Variants in ZBP1 observed in about 807,000 individuals in gnomAD.
ZBP1 encodes Z-DNA binding protein 1, also known as Z-DNA-binding protein 1.
A neutral mutation model predicts 41.1 loss-of-function variants in ZBP1; 42 were observed. That is an observed-to-expected ratio of 1.02 (90% CI 0.80 to 1.32). ZBP1 has a LOEUF of 1.32. Among genes scored for constraint, ZBP1 ranks in the 40% most tolerant of loss-of-function variants. The probability of loss-of-function intolerance (pLI) is 0.00; values close to 1 mark genes in which losing one functional copy is unlikely to be tolerated. For synonymous variants in ZBP1, 214 were observed against 205.2 expected (o/e 1.04, Z -0.37); for missense variants, 562 against 549.7 (o/e 1.02, Z -0.22).
At chr20:57,615,993 G>C in intron 2 of ZBP1, 1 of 576,210 alleles carries the variant, frequency 1.7e-6, no homozygotes, top group Non-Finnish European at 3.1e-6. Flanking sequence ...ATAATTGTTA[G>C]TGTTCTGCAG....
At chr20:57,619,839 T>G (rs2070953394) in intron 1 of ZBP1, among the ~76,000 whole-genome samples, 1 of 150,960 alleles carries the variant, frequency 6.6e-6, no homozygotes, top group South Asian at 2.1e-4. Flanking sequence ...CCTTTCTATT[T>G]TTTTTTTTTT....
At chr20:57,607,526 A>G (rs1193340754) in intron 7 of ZBP1, among the ~76,000 whole-genome samples, 1 of 152,270 alleles carries the variant, frequency 6.6e-6, no homozygotes, top group African/African-American at 2.4e-5. Flanking sequence ...CTAGTTGGTA[A>G]AGCAGCAGCA....
chr20:57,610,531 A>G lies in ZBP1; in HGVS notation c.875-164T>C. The stretch of plus-strand genomic sequence containing the variant: ...TGCCCGCCACACCTCCACCCGCCAC[A>G]CCTCCGCTCGTGCTGTTGTGCTGTC... On this transcript the variant is annotated intron_variant, in intron 6 of 7. Transcript: ENST00000371173. This position sits in a 1 kb window ranked among gnomAD's most constrained non-coding sequence, Gnocchi z 5.5. The G allele has an allele frequency of 1.5e-6, 1 of 671,010 alleles. No homozygotes were observed. The highest frequency in any genetic ancestry group is 2.6e-6 in the Non-Finnish European group (1 of 391,654). The allele number at this position is 671,010 out of a possible 1,614,324, so 41.6% of individuals were successfully genotyped here. A position where few individuals can be genotyped will look rare whatever the true frequency, so the allele number is the denominator to read the frequency against.
chr20:57,611,867 AG>A lies in ZBP1; in HGVS notation c.733del (p.Leu245Ter), dbSNP rs2070683203. 2.5e-6 allele frequency: 4 copies of A among 1,584,882 alleles called. 1 individual carries two copies. The Admixed American group carries it at 7.2e-5, about 29-fold the overall frequency. Reference protein sequence around the residue: ...APGDSSTWGTLVDPWGPQDIH... With the variant: ...APGDSSTWGTXVDPWGPQDIH... ...GTCCTGGGGCCCCCAGGGATCAACT[AG>A]GGTCCCCCAAGTTGAGGAATCACCT... On this transcript the variant is annotated frameshift_variant, in exon 6 of 8. Coordinates refer to ENST00000371173, the MANE Select transcript of ZBP1 (RefSeq NM_030776.3). LOFTEE classifies it high-confidence loss of function.
At chr20:57,620,116 G>T (rs745907057) in intron 1 of ZBP1, 146 bp downstream of exon 1, 9 of 984,434 alleles carry the variant, frequency 9.1e-6, no homozygotes, top group Non-Finnish European at 1.4e-5. Context: ...GATTACAGGC[G>T]TGAGCCACCA....
intron 4 of ZBP1, 54 bp downstream of exon 4, chr20:57,614,833 C>T: frequency 6.2e-7 from 1 of 1,602,410 alleles, no homozygotes; most frequent in South Asian, 1.1e-5. Context: ...AAAGACCAAG[C>T]ACTAGTGTCA....
In ZBP1 at chr20:57,603,872, G is replaced by T. The variant is rs4811885; in HGVS notation, c.*701C>A. On this transcript the variant is annotated 3_prime_UTR_variant, in exon 8 of 8. Transcript: ENST00000371173. The surrounding 1 kb of genome is among the most constrained non-coding windows in gnomAD (Gnocchi z 4.6). ...TATGGTTGGTTTATTTTTTATTTAT[G>T]TATTTATTTTTTTGAGACGGAGTCT... 0.2 allele frequency: 32,116 copies of T among 157,116 alleles called. 3,462 individuals carry two copies. The highest frequency in any genetic ancestry group is 0.25 in the East Asian group (1,282 of 5,220). 9.7% of individuals were successfully genotyped at this position (157,116 alleles called of 1,614,324 possible).
At chr20:57,619,643 C>T (rs766251722) in intron 1 of ZBP1, among the ~76,000 whole-genome samples, 8 of 152,110 alleles carry the variant, frequency 5.3e-5, no homozygotes, top group South Asian at 2.1e-4. Context: ...GGTGTTCAGA[C>T]GCTAACACCA....
Position 57,610,120 on chromosome 20 carries a change from A to T in ZBP1, c.1093+29T>A. 1 of 1,573,308 alleles carries T rather than the reference A, an allele frequency of 6.4e-7. No individual in the cohort carries two copies. Among genetic ancestry groups the T allele is most frequent in the Non-Finnish European group, 8.7e-7 (1 of 1,144,516 alleles). Reference sequence around the variant, plus strand: ...GAAGGTGGGGAGAGAGAGAGAACACACAGGGGTCCACTCTGCCCCCTAGCT... The same window carrying T: ...GAAGGTGGGGAGAGAGAGAGAACACTCAGGGGTCCACTCTGCCCCCTAGCT... On this transcript the variant is annotated intron_variant, in intron 7 of 7. Transcript: ENST00000371173. This position sits in a 1 kb window ranked among gnomAD's most constrained non-coding sequence, Gnocchi z 5.5.
chr20:57,613,193 T>C lies in ZBP1; in HGVS notation c.640A>G (p.Ile214Val), dbSNP rs1294969554. Residue 214 changes from isoleucine (I) to valine (V), a missense_variant, in exon 5 of 8, where the codon ATT (isoleucine) becomes GTT (valine). Physicochemically the swap from Ile to Val is conservative, Grantham distance 29. Transcript: ENST00000371173. This position sits in a 1 kb window ranked among gnomAD's most constrained non-coding sequence, Gnocchi z 4.5. Reference sequence around the variant, plus strand: ...TCCCTGGAGACTGTCTGTCTTGTAATGATGTTCCCGTGTCCAATCTGGATG... The same window carrying C: ...TCCCTGGAGACTGTCTGTCTTGTAACGATGTTCCCGTGTCCAATCTGGATG... ...EAIQIGHGNI[I>V]TRQTVSREDG... The C allele has an allele frequency of 6.2e-7, 1 of 1,614,230 alleles. No individual in the cohort carries two copies. Among genetic ancestry groups the C allele is most frequent in the South Asian group, 1.1e-5 (1 of 91,080 alleles).
At position 57,613,418 on chromosome 20, in the gene ZBP1, G is replaced by A; in HGVS notation, c.503-88C>T. 1.4e-6 allele frequency: 2 copies of A among 1,439,284 alleles called. No homozygotes were observed. Among genetic ancestry groups the A allele is most frequent in the South Asian group, 1.3e-5 (1 of 79,140 alleles). The allele number at this position is 1,439,284 out of a possible 1,614,324, so 89.2% of individuals were successfully genotyped here. A position where few individuals can be genotyped will look rare whatever the true frequency, so the allele number is the denominator to read the frequency against. Reference sequence around the variant, plus strand: ...CAGTCGGCAGCACCAAATTCTCCTGGGGAGCTTGTTAAAATACCCTGGGCG... The same window carrying A: ...CAGTCGGCAGCACCAAATTCTCCTGAGGAGCTTGTTAAAATACCCTGGGCG... On this transcript the variant is annotated intron_variant, in intron 4 of 7. Transcript: ENST00000371173. This position sits in a 1 kb window ranked among gnomAD's most constrained non-coding sequence, Gnocchi z 4.5.
At chr20:57,607,640 G>A (rs2070530140) in intron 7 of ZBP1, among the ~76,000 whole-genome samples, 1 of 152,182 alleles carries the variant, frequency 6.6e-6, no homozygotes, top group Admixed American at 6.5e-5. Flanking sequence ...GAAAGGAAGA[G>A]TTCATTGCTG....
At position 57,610,422 on chromosome 20, in the gene ZBP1, G is replaced by A; in HGVS notation, c.875-55C>T. 1.3e-6 allele frequency: 2 copies of A among 1,591,864 alleles called. No homozygotes were observed. Among genetic ancestry groups the A allele is most frequent in the African/African-American group, 1.3e-5 (1 of 74,434 alleles). On this transcript the variant is annotated intron_variant, in intron 6 of 7. Coordinates refer to ENST00000371173, the MANE Select transcript of ZBP1 (RefSeq NM_030776.3). This position sits in a 1 kb window ranked among gnomAD's most constrained non-coding sequence, Gnocchi z 5.5. ...CCAGGAGCAGCTGGACAGTGGCCGG[G>A]AACCCTGACCCCCAGCCTGGTTCAC...
At chr20:57,611,090 C>T (rs1600731264) in intron 6 of ZBP1, among the ~76,000 whole-genome samples, 1 of 152,228 alleles carries the variant, frequency 6.6e-6, no homozygotes, top group Non-Finnish European at 1.5e-5. Flanking sequence ...AGTACGGCAC[C>T]TGTCTTCCAT....
Position 57,614,897 on chromosome 20 carries a change from A to G in ZBP1, c.492T>C (p.Ile164=). 1 of 1,614,122 alleles carries G rather than the reference A, an allele frequency of 6.2e-7. No individual in the cohort carries two copies. Among genetic ancestry groups the G allele is most frequent in the Non-Finnish European group, 8.5e-7 (1 of 1,180,004 alleles). Residue 164 remains isoleucine, a synonymous_variant, in exon 4 of 8, where the codon ATT becomes ATC. Transcript: ENST00000371173. ...CAGCCGGGGGCCTACCTGGGCGGTA[A>G]ATCGTCCATGCTTTGGACTGCTCAT... ...DMDEQSKAWT[I]YRPEDSGRRA... is the part of the protein sequence containing the mutation.
At chr20:57,617,916 A>G (rs1043221929) in intron 1 of ZBP1, 11 of 151,834 alleles carry the variant, frequency 7.2e-5, no homozygotes, top group African/African-American at 1.7e-4. Flanking sequence ...CGTTTACCCA[A>G]TAGACCCTGG....
chr20:57,618,325 G>T (rs2070898493), intron 1 of ZBP1, among the ~76,000 whole-genome samples: 1 of 152,234 alleles, frequency 6.6e-6, no homozygotes, highest in Non-Finnish European at 1.5e-5. Context: ...TTTGTCATCT[G>T]GGCTTTCTTT....
intron 7 of ZBP1, among the ~76,000 whole-genome samples, chr20:57,608,469 G>C (rs576627513): frequency 6.6e-6 from 1 of 152,234 alleles, no homozygotes; most frequent in Non-Finnish European, 1.5e-5. Context: ...TCCGGAAAGA[G>C]AAGTCTTCAA....
chr20:57,619,868 A>G (rs1162906485), intron 1 of ZBP1, among the ~76,000 whole-genome samples: 2 of 144,560 alleles, frequency 1.4e-5, no homozygotes, highest in Admixed American at 1.4e-4. Context: ...ATGGAATCTC[A>G]CTCTGTCACC....
Sources: allele counts gnomAD v4.1 joint callset (sites outside exome capture counted in the v4.1 genomes callset), GRCh38; gene constraint gnomAD v4.1.1; non-coding constraint Gnocchi (gnomAD v3.1); transcripts MANE v1.5; gene names NCBI Gene and HGNC (gene_info 2026-07-23, HGNC 2026-07-21).